PRKG1: variants seen among roughly 807,000 people sequenced by gnomAD.
PRKG1 encodes the protein protein kinase cGMP-dependent 1, also known as cGMP-dependent protein kinase 1.
A neutral mutation model predicts 88.1 loss-of-function variants in PRKG1; 35 were observed. That is an observed-to-expected ratio of 0.40 (90% CI 0.30 to 0.53). The LOEUF is 0.53. Among genes scored for constraint, PRKG1 ranks in the 20% least tolerant of loss-of-function variants. PRKG1 has a pLI of 0.59. For missense variants in PRKG1, 540 were observed against 839.8 expected (o/e 0.64, Z 4.41); for synonymous variants, 303 against 292.5 (o/e 1.04, Z -0.37).
chr10:51,124,979 T>C (rs1207117135), intron 1 of PRKG1, among the ~76,000 whole-genome samples: 1 of 152,230 alleles, frequency 6.6e-6, no homozygotes, highest in Non-Finnish European at 1.5e-5. Flanking sequence ...TTAATTTTCA[T>C]ATCAACCCTG....
At chr10:52,245,934 TC>T (rs1209562634) in intron 9 of PRKG1, among the ~76,000 whole-genome samples, 4 of 152,118 alleles carry the variant, frequency 2.6e-5, no homozygotes, top group Admixed American at 1.3e-4. Flanking sequence ...ATAGTTATGT[TC>T]CTTTTGCATG....
chr10:51,042,988 C>T (rs537151118), intron 1 of PRKG1, among the ~76,000 whole-genome samples: 27 of 152,312 alleles, frequency 1.8e-4, no homozygotes, highest in African/African-American at 5.3e-4. Context: ...TAATCTTGAA[C>T]TTCTGAGCCT....
intron 4 of PRKG1, among the ~76,000 whole-genome samples, chr10:51,880,435 C>G (rs1038643166): frequency 6.6e-6 from 1 of 152,130 alleles, no homozygotes; most frequent in African/African-American, 2.4e-5. Flanking sequence ...CCTGAGTACA[C>G]TTCATTGAAT....
chr10:51,104,784 CA>C (rs1164978855), intron 1 of PRKG1, among the ~76,000 whole-genome samples: 1 of 151,568 alleles, frequency 6.6e-6, no homozygotes, highest in Non-Finnish European at 1.5e-5. Context: ...GGCTGGAGTG[CA>C]ATGACACAAT....
chr10:52,230,484 C>T (rs537835375), intron 9 of PRKG1, among the ~76,000 whole-genome samples: 37 of 151,960 alleles, frequency 2.4e-4, no homozygotes, highest in African/African-American at 8.9e-4. Flanking sequence ...TTGATCATAC[C>T]CATTAAACAG....
chr10:51,189,217 T>A (rs991332510), intron 2 of PRKG1, among the ~76,000 whole-genome samples: 12 of 151,982 alleles, frequency 7.9e-5, no homozygotes, highest in Admixed American at 4.6e-4. Flanking sequence ...TTTATGGTAC[T>A]CATAGCAAAC....
intron 3 of PRKG1, among the ~76,000 whole-genome samples, chr10:51,765,576 G>A (rs543505916): frequency 6.6e-6 from 1 of 152,056 alleles, no homozygotes; most frequent in Non-Finnish European, 1.5e-5. Context: ...CACTGAGCCT[G>A]GTACACAGGA....
intron 4 of PRKG1, among the ~76,000 whole-genome samples, chr10:51,828,515 CCA>C (rs1304232415): frequency 1.3e-5 from 2 of 152,056 alleles, no homozygotes; most frequent in African/African-American, 4.8e-5. Context: ...GTGGTAGTCA[CCA>C]CTTTAAACAA....
chr10:51,628,876 G>A (rs1287699418), intron 3 of PRKG1, among the ~76,000 whole-genome samples: 4 of 151,066 alleles, frequency 2.6e-5, no homozygotes, highest in Middle Eastern at 3.4e-3. Flanking sequence ...GGAGAATGGC[G>A]TGAACCCGGG....
chr10:51,647,486 A>G (rs1839942346), intron 3 of PRKG1, among the ~76,000 whole-genome samples: 1 of 152,188 alleles, frequency 6.6e-6, no homozygotes, highest in Non-Finnish European at 1.5e-5. Flanking sequence ...TAAACAACTA[A>G]GCGAACTTGG....
At chr10:51,749,771 T>C (rs1288501430) in intron 3 of PRKG1, among the ~76,000 whole-genome samples, 1 of 152,194 alleles carries the variant, frequency 6.6e-6, no homozygotes, top group Admixed American at 6.5e-5. Context: ...GGAAGAATCA[T>C]TTATAATTCT....
At chr10:51,950,521 G>A (rs888864982) in intron 5 of PRKG1, among the ~76,000 whole-genome samples, 3 of 152,238 alleles carry the variant, frequency 2.0e-5, no homozygotes, top group African/African-American at 4.8e-5. Flanking sequence ...TGCCCCTTGC[G>A]GAAGGGAGCA....
chr10:52,045,724 T>C lies in PRKG1; in HGVS notation c.763-8760T>C, dbSNP rs1027983864. ...TGATGATTAAAAGAAAAAAAAACAA[T>C]TTTTTGTCCACATTTGGGTTTCTAC... On this transcript the variant is annotated intron_variant, in intron 5 of 17. Coordinates refer to ENST00000373980, the MANE Select transcript of PRKG1 (RefSeq NM_006258.4). Among the ~76,000 whole-genome samples the C allele has an allele frequency of 4.6e-5, 7 of 152,022 alleles. No individual in the cohort carries two copies. In the East Asian group the frequency reaches 1.3e-3, roughly 29 times the overall value.
chr10:52,161,259 G>A (rs965158887), intron 8 of PRKG1, among the ~76,000 whole-genome samples: 1 of 151,966 alleles, frequency 6.6e-6, no homozygotes, highest in African/African-American at 2.4e-5. Flanking sequence ...TGAATAGATT[G>A]GATTTAAGCA....
At chr10:51,636,873 G>A (rs779239483) in intron 3 of PRKG1, among the ~76,000 whole-genome samples, 6 of 152,188 alleles carry the variant, frequency 3.9e-5, no homozygotes, top group Non-Finnish European at 7.3e-5. Flanking sequence ...TGAGTTACTT[G>A]ATGGTTTACT....
At chr10:51,889,222 A>T (rs1476172115) in intron 4 of PRKG1, among the ~76,000 whole-genome samples, 1 of 67,554 alleles carries the variant, frequency 1.5e-5, no homozygotes, top group African/African-American at 6.2e-5. Context: ...CCCCCACCCC[A>T]CAACAGGCCC....
At chr10:52,226,326 T>A (rs189822019) in intron 9 of PRKG1, among the ~76,000 whole-genome samples, 1 of 152,280 alleles carries the variant, frequency 6.6e-6, no homozygotes, top group Non-Finnish European at 1.5e-5. Context: ...TTGCATGATT[T>A]ACCAGTCTCA....
intron 5 of PRKG1, among the ~76,000 whole-genome samples, chr10:51,978,819 G>T (rs997617471): frequency 6.6e-6 from 1 of 152,054 alleles, no homozygotes; most frequent in Non-Finnish European, 1.5e-5. Context: ...TTTGTTTCCT[G>T]AGACTTTGCT....
At chr10:51,291,476 G>A (rs1840581534) in intron 2 of PRKG1, among the ~76,000 whole-genome samples, 1 of 152,184 alleles carries the variant, frequency 6.6e-6, no homozygotes. Flanking sequence ...GTTGAAAAGA[G>A]ACAGTGTCTC....
Sources: gnomAD v4.1 joint callset for allele counts (sites outside exome capture counted in the v4.1 genomes callset) on GRCh38, gnomAD v4.1.1 for gene constraint, MANE v1.5 for transcripts, NCBI Gene and HGNC (gene_info 2026-07-23, HGNC 2026-07-21) for gene names.